The following SCD variants were observed in gnomAD, a reference collection of about 807,000 sequenced individuals.
SCD encodes the protein acyl-CoA desaturase.
In SCD, 4 loss-of-function variants were observed where a neutral mutation model predicts 35.7. The ratio of observed to expected loss-of-function variants is 0.11; its 90% CI spans 0.06 to 0.26. The LOEUF (loss-of-function observed/expected upper bound fraction) is 0.26. Ranked by LOEUF, SCD falls within the 10% of genes least tolerant of loss-of-function variation. SCD has a pLI of 1.00. For synonymous variants in SCD, 150 were observed against 170.2 expected (o/e 0.88, Z 0.92); for missense variants, 282 against 460.7 (o/e 0.61, Z 3.55).
Position 100,356,705 on chromosome 10 carries a change from G to A in SCD, c.821G>A (p.Arg274His), listed in dbSNP as rs1355145782. Residue 274 changes from arginine to histidine, a missense_variant, in exon 5 of 6, where the codon CGT (arginine) becomes CAT (histidine). Arg to His is a conservative substitution (Grantham distance 29, BLOSUM62 0). Transcript: ENST00000370355. The surrounding 1 kb of genome is among the most constrained non-coding windows in gnomAD (Gnocchi z 4.1). ...VNSAAHLFGY[R>H]PYDKNISPRE... The stretch of plus-strand genomic sequence containing the variant: ...AGTGCTGCCCACCTCTTCGGATATC[G>A]TCCTTATGACAAGAACATTAGCCCC... The A allele has an allele frequency of 2.5e-6, 4 of 1,614,224 alleles. No individual in the cohort carries two copies. The highest frequency in any genetic ancestry group is 3.4e-6 in the Non-Finnish European group (4 of 1,180,058).
rs1217132176 is a variant in SCD at position 100,361,727 on chromosome 10, C to T, written c.*794C>T. The T allele has an allele frequency of 6.6e-6, 1 of 152,190 alleles. No individual in the cohort carries two copies. The highest frequency in any genetic ancestry group is 2.4e-5 in the African/African-American group (1 of 41,442). 9.4% of individuals were successfully genotyped at this position (152,190 alleles called of 1,614,324 possible). A position where few individuals can be genotyped will look rare whatever the true frequency, so the allele number is the denominator to read the frequency against. ...TTTAAGTTTGTAGTAAAAGTGGTCT[C>T]TGCTGGGGAAGGGTTTTCTTTTCTT... is the stretch of plus-strand genomic sequence containing the variant. On this transcript the variant is annotated 3_prime_UTR_variant, in exon 6 of 6. Coordinates refer to ENST00000370355, the MANE Select transcript of SCD (RefSeq NM_005063.5).
At chr10:100,359,328 ATCT>A (rs138267259) in intron 5 of SCD, among the ~76,000 whole-genome samples, 8,637 of 152,070 alleles carry the variant, frequency 0.057, 345 homozygotes, top group South Asian at 0.12. Context: ...TCACATGCTC[ATCT>A]TCTCTGCCAA....
At chr10:100,359,864 C>T (rs1363827989) in intron 5 of SCD, among the ~76,000 whole-genome samples, 1 of 152,208 alleles carries the variant, frequency 6.6e-6, no homozygotes, top group Admixed American at 6.5e-5. Context: ...GTCGAGTTTC[C>T]AAAGCTTTAC....
chr10:100,357,261 G>C (rs1382522926), intron 5 of SCD, among the ~76,000 whole-genome samples: 2 of 152,224 alleles, frequency 1.3e-5, no homozygotes, highest in East Asian at 3.8e-4. Context: ...TCTTGCTTGA[G>C]GCAAGGAATG....
At chr10:100,359,790 A>C (rs546357376) in intron 5 of SCD, among the ~76,000 whole-genome samples, 1 of 152,324 alleles carries the variant, frequency 6.6e-6, no homozygotes, top group Non-Finnish European at 1.5e-5. Flanking sequence ...GATTAGGGTC[A>C]GTATTATTTT....
chr10:100,358,634 C>T (rs1192023048), intron 5 of SCD, among the ~76,000 whole-genome samples: 3 of 139,702 alleles, frequency 2.1e-5, no homozygotes, highest in Non-Finnish European at 3.1e-5. Flanking sequence ...TTTGTCTAGG[C>T]GTGGTGGCTC....
At chr10:100,360,231 C>T (rs1849975927) in intron 5 of SCD, among the ~76,000 whole-genome samples, 2 of 152,242 alleles carry the variant, frequency 1.3e-5, no homozygotes, top group African/African-American at 2.4e-5. Context: ...CAGAGTGCTT[C>T]ATTCTGCAAG....
Position 100,361,569 on chromosome 10 carries a change from T to G in SCD, c.*636T>G, listed in dbSNP as rs200922457. On this transcript the variant is annotated 3_prime_UTR_variant, in exon 6 of 6. Transcript: ENST00000370355. ...ATCAGACATACAGCTGCCTACCTAA[T>G]GAGGACTTCAAGCCCCACCACATAG... 2 of 152,752 alleles carry G rather than the reference T, an allele frequency of 1.3e-5. No individual in the cohort carries two copies. Among genetic ancestry groups the G allele is most frequent in the Non-Finnish European group, 2.9e-5 (2 of 68,480 alleles). 9.5% of individuals were successfully genotyped at this position (152,752 alleles called of 1,614,324 possible).
chr10:100,362,846 T>G lies in SCD; in HGVS notation c.*1913T>G, dbSNP rs7849. ...GAGGCACAGCCAAGCCAAGCGCTCATGTTGAGCCAGTGGGCCAGCCACAGA... is the reference window on the plus strand; with the variant it reads ...GAGGCACAGCCAAGCCAAGCGCTCAGGTTGAGCCAGTGGGCCAGCCACAGA... On this transcript the variant is annotated 3_prime_UTR_variant, in exon 6 of 6. Transcript: ENST00000370355. The G allele has an allele frequency of 6.6e-6, 1 of 152,104 alleles. No individual in the cohort carries two copies. Among genetic ancestry groups the G allele is most frequent in the African/African-American group, 2.4e-5 (1 of 41,358 alleles). 9.4% of individuals were successfully genotyped at this position (152,104 alleles called of 1,614,324 possible). A position where few individuals can be genotyped will look rare whatever the true frequency, so the allele number is the denominator to read the frequency against.
rs1435913829 is a variant in SCD at position 100,362,347 on chromosome 10, G to T, written c.*1414G>T. ...CCTTGAAATGAGTAAAAACTAGAAG[G>T]CTTCTCTCCACAGTGTTGTGCCCCT... On this transcript the variant is annotated 3_prime_UTR_variant, in exon 6 of 6. Transcript: ENST00000370355. 6.6e-6 allele frequency: 1 copy of T among 152,180 alleles called. No homozygotes were observed. Among genetic ancestry groups the T allele is most frequent in the East Asian group, 1.9e-4 (1 of 5,200 alleles). 9.4% of individuals were successfully genotyped at this position (152,180 alleles called of 1,614,324 possible). A position where few individuals can be genotyped will look rare whatever the true frequency, so the allele number is the denominator to read the frequency against.
Position 100,356,696 on chromosome 10 carries a change from T to C in SCD, c.812T>C (p.Phe271Ser). 1 of 1,614,266 alleles carries C rather than the reference T, an allele frequency of 6.2e-7. No individual in the cohort carries two copies. The highest frequency in any genetic ancestry group is 1.1e-5 in the South Asian group (1 of 91,088). Residue 271 changes from phenylalanine to serine, a missense_variant, in exon 5 of 6, where the codon TTC (phenylalanine) becomes TCC (serine). Physicochemically the swap from Phe to Ser is radical, Grantham distance 155 (BLOSUM62 -2). Coordinates refer to ENST00000370355, the MANE Select transcript of SCD (RefSeq NM_005063.5). The surrounding 1 kb of genome is among the most constrained non-coding windows in gnomAD (Gnocchi z 4.1). Reference protein sequence around the residue: ...TWLVNSAAHLFGYRPYDKNIS... With the variant: ...TWLVNSAAHLSGYRPYDKNIS... ...CTGGTGAACAGTGCTGCCCACCTCTTCGGATATCGTCCTTATGACAAGAAC... is the reference window on the plus strand; with the variant it reads ...CTGGTGAACAGTGCTGCCCACCTCTCCGGATATCGTCCTTATGACAAGAAC...
In SCD at chr10:100,361,345, T is replaced by C. The variant is rs547780942; in HGVS notation, c.*412T>C. ...GAGCTGTTGTGAGCTTTGAAGTAGG[T>C]GGCTTGAGCTAGAGATAAAACAGAA... On this transcript the variant is annotated 3_prime_UTR_variant, in exon 6 of 6. Coordinates refer to ENST00000370355, the MANE Select transcript of SCD (RefSeq NM_005063.5). 1 of 180,288 alleles carries C rather than the reference T, an allele frequency of 5.5e-6. No individual in the cohort carries two copies. The highest frequency in any genetic ancestry group is 1.2e-5 in the Non-Finnish European group (1 of 84,086). The allele number at this position is 180,288 out of a possible 1,614,324, so 11.2% of individuals were successfully genotyped here.
rs762257925 is a variant in SCD, at chr10:100,348,264, C to T, written c.228C>T (p.Ile76=). The T allele has an allele frequency of 8.7e-6, 14 of 1,614,048 alleles. No homozygotes were observed. In the South Asian group the frequency reaches 1.2e-4, roughly 14 times the overall value. ...SPKVEYVWRN[I]ILMSLLHLGA... is the part of the protein sequence containing the mutation. The stretch of plus-strand genomic sequence containing the variant: ...AGGTTGAATATGTCTGGAGAAACAT[C>T]ATCCTTATGTCTCTGCTACACTTGG... The change falls in exon 2 of 6, where the codon ATC becomes ATT. Residue 76 remains isoleucine, a synonymous_variant. Transcript: ENST00000370355.
At chr10:100,348,919 C>T (rs1447461114) in intron 2 of SCD, among the ~76,000 whole-genome samples, 3 of 152,306 alleles carry the variant, frequency 2.0e-5, no homozygotes, top group South Asian at 2.1e-4. Flanking sequence ...ATGAAGCTCC[C>T]GTGCAACCCA....
intron 5 of SCD, among the ~76,000 whole-genome samples, chr10:100,358,344 C>T (rs761706037): frequency 3.6e-4 from 55 of 152,086 alleles, no homozygotes; most frequent in Non-Finnish European, 6.6e-4. Context: ...GTAATCCCAG[C>T]ACTTTGGGAG....
At chr10:100,347,963 C>A in intron 1 of SCD, 101 bp from the exon 2 acceptor site, 3 of 1,200,200 alleles carry the variant, frequency 2.5e-6, no homozygotes, top group East Asian at 2.3e-5. Context: ...GCGGAAGGGT[C>A]CGTACTGTCC....
At chr10:100,347,667 G>A in intron 1 of SCD, 136 bp downstream of exon 1, 1 of 936,546 alleles carries the variant, frequency 1.1e-6, no homozygotes, top group Non-Finnish European at 1.6e-6. Context: ...GCTGCCTTCC[G>A]TGAGTTGGGA....
intron 2 of SCD, among the ~76,000 whole-genome samples, chr10:100,350,242 CAAG>C (rs1309431457): frequency 1.3e-5 from 2 of 151,910 alleles, no homozygotes; most frequent in Non-Finnish European, 2.9e-5. Flanking sequence ...TCTTGAGAAA[CAAG>C]GAGGGTGAGG....
At position 100,362,435 on chromosome 10, in the gene SCD, G is replaced by A. The variant is rs201999811; in HGVS notation, c.*1502G>A. 3.9e-5 allele frequency: 6 copies of A among 152,132 alleles called. No individual in the cohort carries two copies. Among genetic ancestry groups the A allele is most frequent in the Non-Finnish European group, 7.3e-5 (5 of 68,030 alleles). The allele number at this position is 152,132 out of a possible 1,614,324, so 9.4% of individuals were successfully genotyped here. A position where few individuals can be genotyped will look rare whatever the true frequency, so the allele number is the denominator to read the frequency against. Reference sequence around the variant, plus strand: ...AACATCTAGCCTAAAGTATACAACTGCCTGGGGGGCAGGGTTAGGAATCTC... The same window carrying A: ...AACATCTAGCCTAAAGTATACAACTACCTGGGGGGCAGGGTTAGGAATCTC... On this transcript the variant is annotated 3_prime_UTR_variant, in exon 6 of 6. Coordinates refer to ENST00000370355, the MANE Select transcript of SCD (RefSeq NM_005063.5).
Sources: allele counts gnomAD v4.1 joint callset (sites outside exome capture counted in the v4.1 genomes callset), GRCh38; gene constraint gnomAD v4.1.1; non-coding constraint Gnocchi (gnomAD v3.1); transcripts MANE v1.5; gene names NCBI Gene and HGNC (gene_info 2026-07-23, HGNC 2026-07-21).